The following LRRC75A variants were observed in gnomAD, a reference collection of about 807,000 sequenced individuals.
The protein encoded by LRRC75A is leucine rich repeat containing 75A.
In LRRC75A, 12 loss-of-function variants were observed where a neutral mutation model predicts 26.0. The ratio of observed to expected loss-of-function variants is 0.46; its 90% confidence interval spans 0.30 to 0.75. The LOEUF is 0.75. Ranked by LOEUF, LRRC75A falls within the 30% of genes least tolerant of loss-of-function variation. The pLI is 0.08. For synonymous variants in LRRC75A, 223 were observed against 219.3 expected, an observed-to-expected ratio of 1.02 and a Z score of -0.15; for missense variants, 410 against 486.6, an observed-to-expected ratio of 0.84 and a Z score of 1.48.
chr17:16,444,044 C>T lies in LRRC75A; in HGVS notation c.579G>A (p.Val193=), dbSNP rs370618760. The change falls in exon 4 of 4, where the codon GTG becomes GTA. Residue 193 remains valine, a synonymous_variant. Transcript: ENST00000470794. ...IPLTSRDLER[V]TSYLQRCGEQ... ...CCCCACAGCGCTGTAGGTAGCTGGT[C>T]ACCCGCTCCAGGTCTCGGGAGGTCA... 1.2e-6 allele frequency: 2 copies of T among 1,613,480 alleles called. No homozygotes were observed. Among genetic ancestry groups the T allele is most frequent in the African/African-American group, 1.3e-5 (1 of 75,032 alleles).
At chr17:16,487,601 G>A (rs2093849625) in intron 1 of LRRC75A, among the ~76,000 whole-genome samples, 1 of 152,180 alleles carries the variant, frequency 6.6e-6, no homozygotes, top group South Asian at 2.1e-4. Context: ...ACCACACTTG[G>A]CTAGTTTTTG....
chr17:16,483,333 G>A (rs996001163), intron 1 of LRRC75A, among the ~76,000 whole-genome samples: 5 of 152,336 alleles, frequency 3.3e-5, no homozygotes, highest in East Asian at 3.9e-4. Context: ...TTCACCCTCC[G>A]TCAGCTAGGA....
At chr17:16,490,125 C>T (rs1295388405) in intron 1 of LRRC75A, among the ~76,000 whole-genome samples, 4 of 152,196 alleles carry the variant, frequency 2.6e-5, no homozygotes, top group Non-Finnish European at 4.4e-5. Flanking sequence ...GGCCTCCAAG[C>T]GGCCCTCCAT....
Position 16,491,824 on chromosome 17 carries a change from C to T in LRRC75A, c.167G>A (p.Gly56Asp), listed in dbSNP as rs1440592256. The change falls in exon 1 of 4, where the codon GGC becomes GAC. Residue 56 changes from glycine (G) to aspartate (D), a missense_variant. Coordinates refer to ENST00000470794, the MANE Select transcript of LRRC75A (RefSeq NM_001113567.3). The surrounding 1 kb of genome is among the most constrained non-coding windows in gnomAD (Gnocchi z 5.9). ...CATCCGCAGCAGCTCCTGGACCATG[C>T]CGACTCGCCGGTGGTAGGGGGGCAT... ...AGMPPYHRRV[G>D]MVQELLRMVR... is the part of the protein sequence containing the mutation. The T allele has an allele frequency of 7.1e-7, 1 of 1,410,406 alleles. No individual in the cohort carries two copies. The highest frequency in any genetic ancestry group is 1.4e-5 in the South Asian group (1 of 70,030). The allele number at this position is 1,410,406 out of a possible 1,614,324, so 87.4% of individuals were successfully genotyped here.
intron 1 of LRRC75A, among the ~76,000 whole-genome samples, chr17:16,485,749 G>A (rs991951662): frequency 1.3e-5 from 2 of 151,980 alleles, no homozygotes; most frequent in Admixed American, 1.3e-4. Flanking sequence ...ACTGCTCTTG[G>A]TGGGGAAGGG....
At chr17:16,457,745 T>A (rs1264262377) in intron 2 of LRRC75A, among the ~76,000 whole-genome samples, 1 of 151,606 alleles carries the variant, frequency 6.6e-6, no homozygotes, top group East Asian at 1.9e-4. Context: ...GGAGGGGGAT[T>A]GCTTGAGGCC....
At chr17:16,490,812 T>C (rs922069763) in intron 1 of LRRC75A, among the ~76,000 whole-genome samples, 1 of 152,174 alleles carries the variant, frequency 6.6e-6, no homozygotes, top group Non-Finnish European at 1.5e-5. Flanking sequence ...GGGCCTGGAT[T>C]GTCTACCCAC....
At chr17:16,465,737 C>T (rs1226882598) in intron 1 of LRRC75A, among the ~76,000 whole-genome samples, 1 of 152,194 alleles carries the variant, frequency 6.6e-6, no homozygotes, top group Non-Finnish European at 1.5e-5. Flanking sequence ...TTTCCGGAGC[C>T]CACTCCCCTG....
chr17:16,457,056 T>C (rs905595173), intron 2 of LRRC75A, among the ~76,000 whole-genome samples: 3 of 152,162 alleles, frequency 2.0e-5, no homozygotes, highest in Admixed American at 6.5e-5. Context: ...CGTGCTGACC[T>C]GCAGGCTGAC....
rs777874642 is a variant in LRRC75A, at chr17:16,443,786, C to G, written c.837G>C (p.Gln279His). 2 of 1,613,816 alleles carry G rather than the reference C, an allele frequency of 1.2e-6. No individual in the cohort carries two copies. Among genetic ancestry groups the G allele is most frequent in the Non-Finnish European group, 1.7e-6 (2 of 1,179,730 alleles). The change falls in exon 4 of 4, where the codon CAG (glutamine) becomes CAC (histidine). Residue 279 changes from glutamine (Q) to histidine (H), a missense_variant. Coordinates refer to ENST00000470794, the MANE Select transcript of LRRC75A (RefSeq NM_001113567.3). ...GNNVDIFSLP[Q>H]PFLLSLRKRS... ...GCTTGCGCAGGCTGAGCAGGAAGGG[C>G]TGGGGCAAGGAGAAGATGTCCACGT...
Position 16,492,164 on chromosome 17 carries a change from C to G in LRRC75A, c.-174G>C. On this transcript the variant is annotated 5_prime_UTR_variant, in exon 1 of 4. Transcript: ENST00000470794. ...CGGGCGGCTGTCGGCGCTCCCCGCG[C>G]TCCTCCCTCTTGGCTACCCGGGCGC... is the stretch of plus-strand genomic sequence containing the variant. The G allele has an allele frequency of 2.6e-6, 1 of 389,614 alleles. No homozygotes were observed. The highest frequency in any genetic ancestry group is 1.0e-4 in the South Asian group (1 of 9,614). 24.1% of individuals were successfully genotyped at this position (389,614 alleles called of 1,614,324 possible). A position where few individuals can be genotyped will look rare whatever the true frequency, so the allele number is the denominator to read the frequency against.
At chr17:16,459,154 G>C (rs1369282611) in intron 2 of LRRC75A, among the ~76,000 whole-genome samples, 7 of 152,200 alleles carry the variant, frequency 4.6e-5, no homozygotes, top group Admixed American at 4.6e-4. Flanking sequence ...CCTGGTGCAG[G>C]TTGGAATTAT....
chr17:16,449,538 C>T (rs1382432705), intron 2 of LRRC75A, among the ~76,000 whole-genome samples: 1 of 152,208 alleles, frequency 6.6e-6, no homozygotes, highest in Non-Finnish European at 1.5e-5. Flanking sequence ...ATAGCGGCAC[C>T]AGCACAGAGA....
intron 2 of LRRC75A, among the ~76,000 whole-genome samples, chr17:16,453,310 ACG>A (rs72335951): frequency 0.3 from 30,570 of 102,092 alleles, 3,549 homozygotes; most frequent in Non-Finnish European, 0.45. Context: ...ACACACACAC[ACG>A]CACACACGCA....
chr17:16,485,681 T>TGTGTGTGTTC (rs1555893695), intron 1 of LRRC75A, among the ~76,000 whole-genome samples: 5,454 of 134,114 alleles, frequency 0.041, 117 homozygotes, highest in African/African-American at 0.045. Flanking sequence ...CGTGTGTGTG[T>TGTGTGTGTTC]GTGTGTGTGT....
At position 16,473,956 on chromosome 17, in the gene LRRC75A, AC is replaced by A. The variant is rs1443741128; in HGVS notation, c.247-11571del. ...TAACTTTGAAGTCTTAAAAAATGAC[AC>A]CCTCTGTGTGAAACAGGCCTCTGGA... On this transcript the variant is annotated intron_variant, in intron 1 of 3. Transcript: ENST00000470794. Among the ~76,000 whole-genome samples, 3 of 152,048 alleles carry A rather than the reference AC, an allele frequency of 2.0e-5. No individual in the cohort carries two copies. The East Asian group carries it at 5.8e-4, about 29-fold the overall frequency.
chr17:16,479,372 G>A (rs2093828302), intron 1 of LRRC75A, among the ~76,000 whole-genome samples: 1 of 152,324 alleles, frequency 6.6e-6, no homozygotes, highest in South Asian at 2.1e-4. Context: ...TGGGAGAAGG[G>A]CTAAAGCTCA....
At chr17:16,477,808 G>A (rs914467755) in intron 1 of LRRC75A, among the ~76,000 whole-genome samples, 2 of 152,052 alleles carry the variant, frequency 1.3e-5, no homozygotes, top group African/African-American at 2.4e-5. Flanking sequence ...CGAGGCTTCC[G>A]GGCTGCAGAA....
In LRRC75A at chr17:16,492,034, C is replaced by T. The variant is rs2143471372; in HGVS notation, c.-44G>A. 4.5e-6 allele frequency: 5 copies of T among 1,112,760 alleles called. No homozygotes were observed. The highest frequency in any genetic ancestry group is 8.6e-5 in the South Asian group (2 of 23,244). The allele number at this position is 1,112,760 out of a possible 1,614,324, so 68.9% of individuals were successfully genotyped here. A position where few individuals can be genotyped will look rare whatever the true frequency, so the allele number is the denominator to read the frequency against. On this transcript the variant is annotated 5_prime_UTR_variant, in exon 1 of 4. Coordinates refer to ENST00000470794, the MANE Select transcript of LRRC75A (RefSeq NM_001113567.3). ...GACTCTCCGCTCTGGGCCGCGAGGCCGCGTCCCCGCCAACCGCCCGCCCCT... is the reference window on the plus strand; with the variant it reads ...GACTCTCCGCTCTGGGCCGCGAGGCTGCGTCCCCGCCAACCGCCCGCCCCT...
Sources: allele counts gnomAD v4.1 joint callset (sites outside exome capture counted in the v4.1 genomes callset), GRCh38; gene constraint gnomAD v4.1.1; non-coding constraint Gnocchi (gnomAD v3.1); transcripts MANE v1.5; gene names NCBI Gene and HGNC (gene_info 2026-07-23, HGNC 2026-07-21).